NRL: variants seen among roughly 807,000 people sequenced by gnomAD.
The protein encoded by NRL is neural retina leucine zipper.
In NRL, 16 loss-of-function variants were observed where a neutral mutation model predicts 12.5. The ratio of observed to expected loss-of-function variants is 1.28; its 90% CI spans 0.87 to 1.95. The LOEUF (loss-of-function observed/expected upper bound fraction) is 1.95, where lower values mean the gene tolerates loss of function less well. Ranked by LOEUF, NRL falls within the 30% of genes most tolerant of loss-of-function variation. The pLI is 0.00. For missense variants in NRL, 314 were observed against 325.8 expected, an observed-to-expected ratio of 0.96 and a Z score of 0.28; for synonymous variants, 142 against 150.9, an observed-to-expected ratio of 0.94 and a Z score of 0.43.
intron 1 of NRL, among the ~76,000 whole-genome samples, chr14:24,109,707 A>G (rs61227778): frequency 0.051 from 7,728 of 151,980 alleles, 310 homozygotes; most frequent in East Asian, 0.16. Context: ...CAAAAAAAAA[A>G]AAAAAAAATC....
intron 1 of NRL, chr14:24,100,419 C>A: frequency 8.6e-7 from 1 of 1,158,254 alleles, no homozygotes; most frequent in Non-Finnish European, 1.2e-6. Context: ...CTAAGTTGCT[C>A]AACTTCCCTA....
chr14:24,111,132 C>T (rs533553281), intron 1 of NRL, among the ~76,000 whole-genome samples: 1 of 152,142 alleles, frequency 6.6e-6, no homozygotes, highest in Non-Finnish European at 1.5e-5. Context: ...AGGCACGCGC[C>T]ACGATGGCCG....
In NRL at chr14:24,082,715, C is replaced by T. The variant is rs2138875693; in HGVS notation, c.134G>A (p.Ser45Asn). Residue 45 changes from serine (S) to asparagine (N), a missense_variant, in exon 2 of 3, where the codon AGC (serine) becomes AAC (asparagine). Physicochemically the swap from Ser to Asn is conservative, Grantham distance 46. Coordinates refer to ENST00000561028, the MANE Select transcript of NRL (RefSeq NM_001354768.3). ...GAAGGTGGGTGAAGGAGGCACTGAG[C>T]TGTAAGGTGTGGAGCCCAGTGAGGC... is the stretch of plus-strand genomic sequence containing the variant. The part of the protein sequence containing the change: ...PTASLGSTPY[S>N]SVPPSPTFSE... The T allele has an allele frequency of 6.2e-7, 1 of 1,614,188 alleles. No individual in the cohort carries two copies. The highest frequency in any genetic ancestry group is 8.5e-7 in the Non-Finnish European group (1 of 1,180,034).
chr14:24,081,313 C>A lies in NRL; in HGVS notation c.637G>T (p.Asp213Tyr). The change falls in exon 3 of 3, where the codon GAT becomes TAT. Residue 213 changes from aspartate (D) to tyrosine (Y), a missense_variant. Coordinates refer to ENST00000561028, the MANE Select transcript of NRL (RefSeq NM_001354768.3). This position sits in a 1 kb window ranked among gnomAD's most constrained non-coding sequence, Gnocchi z 4.4. ...AEVARLARER[D>Y]LYKARCDRLT... ...CGGTCACAGCGAGCCTTGTAGAGATCGCGCTCCCGGGCCAGGCGGGCCACC... is the reference window on the plus strand; with the variant it reads ...CGGTCACAGCGAGCCTTGTAGAGATAGCGCTCCCGGGCCAGGCGGGCCACC... The A allele has an allele frequency of 6.7e-7, 1 of 1,485,468 alleles. No individual in the cohort carries two copies. The highest frequency in any genetic ancestry group is 9.0e-7 in the Non-Finnish European group (1 of 1,116,450). 92.0% of individuals were successfully genotyped at this position (1,485,468 alleles called of 1,614,324 possible).
intron 1 of NRL, 66 bp from the exon 2 acceptor site, chr14:24,082,941 C>A (rs1385175519): frequency 1.4e-5 from 20 of 1,479,498 alleles, no homozygotes; most frequent in Non-Finnish European, 1.8e-5. Context: ...CACCAAGTCC[C>A]TCTTCCCTCA....
rs757916873 is a variant in NRL, at chr14:24,103,657, A to G, written c.-28+11065T>C. The G allele has an allele frequency of 4.0e-5, 64 of 1,614,190 alleles. No individual in the cohort carries two copies. Among genetic ancestry groups the G allele is most frequent in the Non-Finnish European group, 5.4e-5 (64 of 1,180,016 alleles). On this transcript the variant is annotated intron_variant, in intron 1 of 2. Transcript: ENST00000561028. ...CATGTCAACTGGTTCCGGCGTGACG[A>G]GGCAGGGCACTTCCTGTGGCCAGGC... is the stretch of plus-strand genomic sequence containing the variant.
At chr14:24,103,313 C>A in intron 1 of NRL, 1 of 1,397,084 alleles carries the variant, frequency 7.2e-7, no homozygotes. Context: ...GTCCTCTCTC[C>A]CTTCCTGAGC....
intron 1 of NRL, chr14:24,097,059 C>A: frequency 6.2e-7 from 1 of 1,613,510 alleles, no homozygotes; most frequent in Non-Finnish European, 8.5e-7. Context: ...TGTGATGGAA[C>A]TGAGGCTGAG....
At chr14:24,100,238 C>T (rs1228050588) in intron 1 of NRL, 1 of 1,612,962 alleles carries the variant, frequency 6.2e-7, no homozygotes, top group African/African-American at 1.3e-5. Context: ...GAAGGTGTGG[C>T]ACAGCCTCCA....
rs756374849 is a variant in NRL, at chr14:24,081,222, G to A, written c.*14C>T. 6.9e-7 allele frequency: 1 copy of A among 1,450,568 alleles called. No homozygotes were observed. The highest frequency in any genetic ancestry group is 1.5e-5 in the African/African-American group (1 of 68,466). The allele number at this position is 1,450,568 out of a possible 1,614,324, so 89.9% of individuals were successfully genotyped here. Reference sequence around the variant, plus strand: ...CACCCAGCCCCCACTACACCACAAGGTGCTCTGAACGGCTCAGAGGAAGAG... The same window carrying A: ...CACCCAGCCCCCACTACACCACAAGATGCTCTGAACGGCTCAGAGGAAGAG... On this transcript the variant is annotated 3_prime_UTR_variant, in exon 3 of 3. Transcript: ENST00000561028. The surrounding 1 kb of genome is among the most constrained non-coding windows in gnomAD (Gnocchi z 4.4).
Position 24,103,504 on chromosome 14 carries a change from C to G in NRL, c.-28+11218G>C, listed in dbSNP as rs371173730. ...AGATTCCTTACCCATCTTGCTTCCC[C>G]CCCAGGGAAGATCATCATGCACGAC... On this transcript the variant is annotated intron_variant, in intron 1 of 2. Coordinates refer to ENST00000561028, the MANE Select transcript of NRL (RefSeq NM_001354768.3). 119 of 1,541,708 alleles carry G rather than the reference C, an allele frequency of 7.7e-5. No individual in the cohort carries two copies. Among genetic ancestry groups the G allele is most frequent in the Non-Finnish European group, 1.0e-4 (116 of 1,143,484 alleles).
At chr14:24,086,031 A>C (rs2036457029) in intron 1 of NRL, among the ~76,000 whole-genome samples, 1 of 152,238 alleles carries the variant, frequency 6.6e-6, no homozygotes, top group South Asian at 2.1e-4. Flanking sequence ...AGCCTGGCCA[A>C]CATGGTGAAA....
intron 1 of NRL, among the ~76,000 whole-genome samples, chr14:24,089,858 A>G (rs576288985): frequency 6.6e-6 from 1 of 152,176 alleles, no homozygotes; most frequent in Non-Finnish European, 1.5e-5. Flanking sequence ...CAGAAACAAC[A>G]TATGCAAAGG....
At chr14:24,100,415 T>C (rs1400572109) in intron 1 of NRL, 18 of 1,202,870 alleles carry the variant, frequency 1.5e-5, no homozygotes, top group Non-Finnish European at 2.0e-5. Flanking sequence ...CTGGCTAAGT[T>C]GCTCAACTTC....
rs1034127184 is a variant in NRL at position 24,079,814 on chromosome 14, C to G, written c.*1422G>C. On this transcript the variant is annotated 3_prime_UTR_variant, in exon 3 of 3. Transcript: ENST00000561028. Reference sequence around the variant, plus strand: ...CTGCCCAGAGGCCCCATCTGCCCTCCCCTTAGCCTGCTGAACTGGAGGACT... The same window carrying G: ...CTGCCCAGAGGCCCCATCTGCCCTCGCCTTAGCCTGCTGAACTGGAGGACT... Among the ~76,000 whole-genome samples the G allele has an allele frequency of 1.3e-5, 2 of 152,176 alleles. No homozygotes were observed. Among genetic ancestry groups the G allele is most frequent in the African/African-American group, 4.8e-5 (2 of 41,436 alleles).
intron 1 of NRL, among the ~76,000 whole-genome samples, chr14:24,111,383 G>T (rs938421840): frequency 1.5e-4 from 23 of 151,922 alleles, no homozygotes; most frequent in African/African-American, 4.6e-4. Flanking sequence ...ATTGTTTTTT[G>T]TGTGTGTGTG....
chr14:24,096,785 G>A (rs1197618173), intron 1 of NRL: 2 of 930,362 alleles, frequency 2.1e-6, no homozygotes, highest in Non-Finnish European at 3.4e-6. Flanking sequence ...GTCCCTGCAT[G>A]CAGACATGTT....
intron 1 of NRL, chr14:24,099,911 G>C: frequency 6.2e-7 from 1 of 1,612,414 alleles, no homozygotes; most frequent in South Asian, 1.1e-5. Context: ...CTCAGGACAG[G>C]GGTGGGTGGA....
chr14:24,095,530 T>C (rs1042294675), intron 1 of NRL, among the ~76,000 whole-genome samples: 1 of 152,096 alleles, frequency 6.6e-6, no homozygotes, highest in African/African-American at 2.4e-5. Context: ...ACCCTCTGAG[T>C]CTGAGCTGCC....
Sources: allele counts gnomAD v4.1 joint callset (sites outside exome capture counted in the v4.1 genomes callset), GRCh38; gene constraint gnomAD v4.1.1; non-coding constraint Gnocchi (gnomAD v3.1); transcripts MANE v1.5; gene names NCBI Gene and HGNC (gene_info 2026-07-23, HGNC 2026-07-21).